ZNF385D: variants seen among roughly 807,000 people sequenced by gnomAD.
ZNF385D encodes zinc finger protein 385D.
Under a neutral mutation model 35.8 loss-of-function variants are expected in ZNF385D, and 15 were observed. That is an observed-to-expected ratio of 0.42 (90% CI 0.28 to 0.64). The LOEUF is 0.64. Ranked by LOEUF, ZNF385D falls within the 30% of genes least tolerant of loss-of-function variation. The probability of loss-of-function intolerance (pLI) is 0.23; values close to 1 mark genes in which losing one functional copy is unlikely to be tolerated. For missense variants in ZNF385D, 474 were observed against 494.6 expected, an observed-to-expected ratio of 0.96 and a Z score of 0.39; for synonymous variants, 212 against 186.8, an observed-to-expected ratio of 1.13 and a Z score of -1.10.
intron 4 of ZNF385D, among the ~76,000 whole-genome samples, chr3:21,500,051 A>C (rs994454771): frequency 5.3e-5 from 8 of 152,338 alleles, no homozygotes; most frequent in South Asian, 2.1e-4. Context: ...TTTAGTGATG[A>C]ATCTGAATGC....
intron 2 of ZNF385D, among the ~76,000 whole-genome samples, chr3:21,636,368 A>T (rs2065436080): frequency 8.3e-6 from 1 of 120,566 alleles, no homozygotes; most frequent in South Asian, 2.5e-4. Flanking sequence ...ATATGATTAT[A>T]TATATATGAT....
intron 3 of ZNF385D, among the ~76,000 whole-genome samples, chr3:22,103,598 T>C (rs1367126696): frequency 3.3e-5 from 5 of 152,146 alleles, no homozygotes; most frequent in Non-Finnish European, 1.5e-5. Context: ...CATAATGTTA[T>C]GAATCATCTG....
At chr3:21,756,335 G>A (rs1244744030) in intron 3 of ZNF385D, among the ~76,000 whole-genome samples, 1 of 152,098 alleles carries the variant, frequency 6.6e-6, no homozygotes, top group South Asian at 2.1e-4. Flanking sequence ...ACAATTTGAG[G>A]ACTGAGCAAA....
At chr3:21,878,554 A>G (rs1382152939) in intron 3 of ZNF385D, among the ~76,000 whole-genome samples, 1 of 145,444 alleles carries the variant, frequency 6.9e-6, no homozygotes, top group East Asian at 1.9e-4. Context: ...TTCAACTTTT[A>G]TTTTAACAGC....
At chr3:22,110,288 G>C (rs373758713) in intron 3 of ZNF385D, among the ~76,000 whole-genome samples, 1 of 151,890 alleles carries the variant, frequency 6.6e-6, no homozygotes, top group Non-Finnish European at 1.5e-5. Flanking sequence ...CCATTACTGG[G>C]TATATACCCA....
At chr3:22,010,384 T>C (rs1696498706) in intron 3 of ZNF385D, among the ~76,000 whole-genome samples, 1 of 152,316 alleles carries the variant, frequency 6.6e-6, no homozygotes, top group African/African-American at 2.4e-5. Flanking sequence ...ATTTCTGCCT[T>C]ATCAAGAAAC....
intron 2 of ZNF385D, among the ~76,000 whole-genome samples, chr3:22,255,055 T>C (rs1011507127): frequency 1.3e-5 from 2 of 151,936 alleles, no homozygotes; most frequent in Non-Finnish European, 2.9e-5. Flanking sequence ...CTATGTATTA[T>C]TCATTTCTGG....
chr3:21,738,011 G>C (rs867475254), intron 1 of ZNF385D, among the ~76,000 whole-genome samples: 5 of 152,228 alleles, frequency 3.3e-5, no homozygotes, highest in Non-Finnish European at 5.9e-5. Flanking sequence ...GGTGCTGTAT[G>C]TTCCATGAAC....
intron 3 of ZNF385D, among the ~76,000 whole-genome samples, chr3:21,917,026 T>A (rs189558285): frequency 6.6e-6 from 1 of 152,348 alleles, no homozygotes; most frequent in East Asian, 1.9e-4. Context: ...TTAAAATTTG[T>A]CTATTTTGCT....
intron 3 of ZNF385D, among the ~76,000 whole-genome samples, chr3:21,980,184 C>A (rs1694348476): frequency 6.6e-6 from 1 of 152,122 alleles, no homozygotes; most frequent in African/African-American, 2.4e-5. Flanking sequence ...CCAACAGTAA[C>A]TTTCTTGGCA....
chr3:21,592,567 A>AC (rs904025531), intron 2 of ZNF385D, among the ~76,000 whole-genome samples: 6 of 140,676 alleles, frequency 4.3e-5, no homozygotes, highest in South Asian at 4.5e-4. Flanking sequence ...CAAAAACAAA[A>AC]AAAAAAAACA....
At chr3:22,177,921 T>A (rs905246960) in intron 2 of ZNF385D, among the ~76,000 whole-genome samples, 84 of 152,344 alleles carry the variant, frequency 5.5e-4, no homozygotes, top group African/African-American at 2.0e-3. Context: ...AACTCATCCT[T>A]TTTTATGGCT....
intron 3 of ZNF385D, among the ~76,000 whole-genome samples, chr3:22,165,774 G>A (rs1263494004): frequency 6.6e-6 from 1 of 152,116 alleles, no homozygotes; most frequent in Non-Finnish European, 1.5e-5. Context: ...GAACCACACT[G>A]AATTCTTGGC....
intron 2 of ZNF385D, among the ~76,000 whole-genome samples, chr3:22,179,316 G>C (rs556541450): frequency 1.3e-5 from 2 of 152,270 alleles, no homozygotes; most frequent in East Asian, 3.9e-4. Flanking sequence ...TTGTAAGTTG[G>C]ATTCCTAGGT....
At chr3:22,211,532 A>T (rs1351228125) in intron 2 of ZNF385D, among the ~76,000 whole-genome samples, 1 of 151,980 alleles carries the variant, frequency 6.6e-6, no homozygotes, top group African/African-American at 2.4e-5. Flanking sequence ...CTCGGATTTC[A>T]TTTGGATAGG....
chr3:22,162,556 T>C (rs955461472), intron 3 of ZNF385D, among the ~76,000 whole-genome samples: 1 of 152,164 alleles, frequency 6.6e-6, no homozygotes, highest in South Asian at 2.1e-4. Flanking sequence ...AGATTTTTTA[T>C]AGGCATAACA....
At chr3:21,685,770 A>G (rs1360003537) in intron 1 of ZNF385D, among the ~76,000 whole-genome samples, 1 of 152,260 alleles carries the variant, frequency 6.6e-6, no homozygotes, top group Non-Finnish European at 1.5e-5. Flanking sequence ...GGAGCAATAC[A>G]TCTGCCTATC....
intron 3 of ZNF385D, among the ~76,000 whole-genome samples, chr3:21,916,206 A>AT: frequency 6.6e-6 from 1 of 152,158 alleles, no homozygotes; most frequent in Admixed American, 6.6e-5. Context: ...GAAATATATA[A>AT]TTAAAATAAA....
chr3:21,844,517 G>A (rs1432077865), intron 3 of ZNF385D, among the ~76,000 whole-genome samples: 1 of 151,864 alleles, frequency 6.6e-6, no homozygotes, highest in African/African-American at 2.4e-5. Context: ...AACATTCTCT[G>A]ATTAGAAAAC....
Sources: gnomAD v4.1 joint callset for allele counts (sites outside exome capture counted in the v4.1 genomes callset) on GRCh38, gnomAD v4.1.1 for gene constraint, MANE v1.5 for transcripts, NCBI Gene and HGNC (gene_info 2026-07-23, HGNC 2026-07-21) for gene names.